Variants in DACH2 observed in about 807,000 individuals in gnomAD.
The protein encoded by DACH2 is dachshund family transcription factor 2.
DACH2 carries 17 observed loss-of-function variants against 35.8 expected under a neutral mutation model. That is an observed-to-expected ratio of 0.48 (90% CI 0.33 to 0.71). DACH2 has a LOEUF of 0.71. Among genes scored for constraint, DACH2 ranks in the 30% least tolerant of loss-of-function variants. The probability of loss-of-function intolerance (pLI) is 0.02; values close to 1 mark genes in which losing one functional copy is unlikely to be tolerated. For synonymous variants in DACH2, 195 were observed against 177.3 expected (o/e 1.10, Z -0.79); for missense variants, 469 against 472.7 (o/e 0.99, Z 0.07).
At chrX:86,331,570 G>A (rs1463488256) in intron 1 of DACH2, among the ~76,000 whole-genome samples, 1 of 111,353 alleles carries the variant, frequency 9.0e-6, no homozygotes, top group East Asian at 2.8e-4. Context: ...TATTAGATAG[G>A]GCTTTTTATA....
At chrX:86,616,510 T>C (rs1251118656) in intron 3 of DACH2, among the ~76,000 whole-genome samples, 2 of 112,256 alleles carry the variant, frequency 1.8e-5, no homozygotes, top group Admixed American at 1.9e-4. Context: ...TGCATTTCTT[T>C]AATGATGAGT....
chrX:86,317,116 C>CAAAA (rs35386773), intron 1 of DACH2, among the ~76,000 whole-genome samples: 2 of 66,233 alleles, frequency 3.0e-5, no homozygotes, highest in African/African-American at 1.2e-4. Flanking sequence ...GACTCCATCT[C>CAAAA]AAAAAAAAAA....
chrX:86,546,548 A>G (rs921039773), intron 3 of DACH2, among the ~76,000 whole-genome samples: 1 of 76,277 alleles, frequency 1.3e-5, no homozygotes, highest in Admixed American at 1.9e-4. Context: ...TCTGTCTCCC[A>G]CTGTCACCCA....
intron 7 of DACH2, among the ~76,000 whole-genome samples, chrX:86,749,091 C>G (rs1489399899): frequency 8.9e-6 from 1 of 112,003 alleles, no homozygotes; most frequent in Non-Finnish European, 1.9e-5. Flanking sequence ...GGGCCTTGCT[C>G]TGGATTAGGA....
At chrX:86,158,394 C>T (rs867010515) in intron 1 of DACH2, among the ~76,000 whole-genome samples, 1 of 111,208 alleles carries the variant, frequency 9.0e-6, no homozygotes. Context: ...ATGTCTTTTG[C>T]TGTATTGTCT....
intron 3 of DACH2, among the ~76,000 whole-genome samples, chrX:86,517,710 G>A (rs1446511073): frequency 1.8e-5 from 2 of 111,235 alleles, no homozygotes; most frequent in South Asian, 3.8e-4. Context: ...GAGCCACCAC[G>A]CCTGACCCTT....
chrX:86,202,726 T>G (rs1437088135), intron 1 of DACH2, among the ~76,000 whole-genome samples: 1 of 110,936 alleles, frequency 9.0e-6, no homozygotes, highest in Non-Finnish European at 1.9e-5. Flanking sequence ...TCTGTAATGC[T>G]CAAAGAGATT....
chrX:86,562,695 T>C (rs2148324817), intron 3 of DACH2, among the ~76,000 whole-genome samples: 1 of 111,661 alleles, frequency 9.0e-6, no homozygotes, highest in African/African-American at 3.2e-5. Flanking sequence ...CAAGAGAGTT[T>C]TAATCCAAGC....
chrX:86,556,382 A>G (rs949694850), intron 3 of DACH2, among the ~76,000 whole-genome samples: 1 of 107,212 alleles, frequency 9.3e-6, no homozygotes, highest in African/African-American at 3.4e-5. Context: ...GTAGATGAGG[A>G]AACAGAGAAG....
intron 3 of DACH2, among the ~76,000 whole-genome samples, chrX:86,633,198 A>G (rs1404534916): frequency 2.7e-5 from 3 of 111,623 alleles, no homozygotes; most frequent in African/African-American, 9.8e-5. Flanking sequence ...AACAAAATGG[A>G]TAAAGCTCTA....
At chrX:86,171,536 TG>T (rs1272443382) in intron 1 of DACH2, among the ~76,000 whole-genome samples, 1 of 111,849 alleles carries the variant, frequency 8.9e-6, no homozygotes, top group Non-Finnish European at 1.9e-5. Context: ...CAGCTGGGAT[TG>T]GGGATTCCCC....
At chrX:86,579,048 T>C (rs1030613104) in intron 3 of DACH2, among the ~76,000 whole-genome samples, 1 of 111,742 alleles carries the variant, frequency 8.9e-6, no homozygotes, top group Non-Finnish European at 1.9e-5. Context: ...CTGCATATAT[T>C]ATTTGGTGCA....
chrX:86,344,542 A>T (rs987458912), intron 1 of DACH2, among the ~76,000 whole-genome samples: 1 of 110,475 alleles, frequency 9.1e-6, no homozygotes, highest in Non-Finnish European at 1.9e-5. Context: ...GAGAAATCAT[A>T]CCTTTTAGTT....
At chrX:86,437,979 C>G (rs1012281867) in intron 2 of DACH2, among the ~76,000 whole-genome samples, 10 of 109,552 alleles carry the variant, frequency 9.1e-5, no homozygotes, top group Admixed American at 2.0e-4. Flanking sequence ...TTTTGTCACC[C>G]AGGTACTAAG....
intron 1 of DACH2, among the ~76,000 whole-genome samples, chrX:86,210,740 C>T (rs1418993973): frequency 9.0e-6 from 1 of 111,718 alleles, no homozygotes; most frequent in Non-Finnish European, 1.9e-5. Context: ...ACACTTACAC[C>T]ATAAAACCTT....
At chrX:86,514,489 T>C in intron 3 of DACH2, 98 bp downstream of exon 3, 1 of 817,365 alleles carries the variant, frequency 1.2e-6, no homozygotes, top group Non-Finnish European at 1.7e-6. Context: ...TTCAGAGCTT[T>C]TCAAGCTCTA....
At chrX:86,600,368 T>C (rs992860548) in intron 3 of DACH2, among the ~76,000 whole-genome samples, 3 of 112,375 alleles carry the variant, frequency 2.7e-5, no homozygotes, top group African/African-American at 3.2e-5. Context: ...TTTTGAACTA[T>C]ATGCTGTATA....
chrX:86,372,966 G>T (rs915228819), intron 1 of DACH2, among the ~76,000 whole-genome samples: 1 of 110,980 alleles, frequency 9.0e-6, no homozygotes, highest in Non-Finnish European at 1.9e-5. Context: ...TAGGATAATG[G>T]CCTCCAGCTG....
At chrX:86,208,203 A>T (rs917308950) in intron 1 of DACH2, among the ~76,000 whole-genome samples, 37 of 106,622 alleles carry the variant, frequency 3.5e-4, no homozygotes, top group Non-Finnish European at 5.8e-4. Context: ...AATAATAATA[A>T]TTTTTTTTTT....
Sources: allele counts gnomAD v4.1 joint callset (sites outside exome capture counted in the v4.1 genomes callset), GRCh38; gene constraint gnomAD v4.1.1; transcripts MANE v1.5; gene names NCBI Gene and HGNC (gene_info 2026-07-23, HGNC 2026-07-21).